KIRREL3: variants seen among roughly 807,000 people sequenced by gnomAD.
KIRREL3 encodes the protein kin of IRRE-like protein 3.
Under a neutral mutation model 89.7 loss-of-function variants are expected in KIRREL3, and 36 were observed. That is an observed-to-expected ratio of 0.40 (90% CI 0.31 to 0.53). The LOEUF is 0.53. Ranked by LOEUF, KIRREL3 falls within the 20% of genes least tolerant of loss-of-function variation. KIRREL3 has a pLI of 0.49. For synonymous variants in KIRREL3, 445 were observed against 441.4 expected (o/e 1.01, Z -0.10); for missense variants, 864 against 1,056.6 (o/e 0.82, Z 2.53).
At chr11:126,847,405 G>C (rs1381529319) in intron 1 of KIRREL3, among the ~76,000 whole-genome samples, 4 of 152,012 alleles carry the variant, frequency 2.6e-5, no homozygotes, top group Non-Finnish European at 5.9e-5. Context: ...TAAACATTTT[G>C]TCATCCACAG....
rs1054316910 is a variant in KIRREL3 at position 126,635,156 on chromosome 11, G to T, written c.56-72244C>A. 1.1e-4 allele frequency among the ~76,000 whole-genome samples: 16 copies of T among 152,242 alleles called. No homozygotes were observed. Among genetic ancestry groups the T allele is most frequent in the African/African-American group, 3.4e-4 (14 of 41,460 alleles). On this transcript the variant is annotated intron_variant, in intron 1 of 16. Coordinates refer to ENST00000525144, the MANE Select transcript of KIRREL3 (RefSeq NM_032531.4). This position sits in a 1 kb window ranked among gnomAD's most constrained non-coding sequence, Gnocchi z 4.0. ...AACCTTGAACCCAACAAAAGGGTCT[G>T]CAGTGAGGCAGGGCTGGACAGCTCC... is the stretch of plus-strand genomic sequence containing the variant.
At chr11:126,457,585 G>A (rs542101762) in intron 6 of KIRREL3, among the ~76,000 whole-genome samples, 61 of 152,024 alleles carry the variant, frequency 4.0e-4, no homozygotes, top group Non-Finnish European at 5.7e-4. Flanking sequence ...GAGAGACATG[G>A]GCAGAGAGAC....
At chr11:126,855,563 T>C (rs1407983338) in intron 1 of KIRREL3, among the ~76,000 whole-genome samples, 1 of 152,248 alleles carries the variant, frequency 6.6e-6, no homozygotes, top group Non-Finnish European at 1.5e-5. Context: ...AAATTTGCTG[T>C]TCTTCCACTC....
chr11:126,695,617 T>C (rs1459928707), intron 1 of KIRREL3, among the ~76,000 whole-genome samples: 1 of 152,000 alleles, frequency 6.6e-6, no homozygotes, highest in African/African-American at 2.4e-5. Context: ...CTGCATTGAC[T>C]CCTGCTCCAG....
At chr11:126,856,444 GATAGA>G (rs2134590305) in intron 1 of KIRREL3, among the ~76,000 whole-genome samples, 1 of 151,888 alleles carries the variant, frequency 6.6e-6, no homozygotes, top group African/African-American at 2.4e-5. Context: ...ACTTGCTCAT[GATAGA>G]ATAATCAGAC....
rs757216215 is a variant in KIRREL3 at position 126,521,274 on chromosome 11, C to T, written c.433+41G>A. On this transcript the variant is annotated intron_variant, in intron 4 of 16. Transcript: ENST00000525144. This position sits in a 1 kb window ranked among gnomAD's most constrained non-coding sequence, Gnocchi z 4.1. ...CCCTCTTGGAGCTGAGCCCTTGGTGCTTCACGCAGTGTCCCAGCCCCGTGT... is the reference window on the plus strand; with the variant it reads ...CCCTCTTGGAGCTGAGCCCTTGGTGTTTCACGCAGTGTCCCAGCCCCGTGT... 1.5e-4 allele frequency: 225 copies of T among 1,481,054 alleles called. 1 individual carries two copies. The highest frequency in any genetic ancestry group is 8.2e-4 in the Admixed American group (37 of 45,250). The allele number at this position is 1,481,054 out of a possible 1,614,324, so 91.7% of individuals were successfully genotyped here.
intron 1 of KIRREL3, among the ~76,000 whole-genome samples, chr11:126,901,376 T>A (rs539113707): frequency 6.6e-6 from 1 of 152,190 alleles, no homozygotes; most frequent in East Asian, 1.9e-4. Context: ...TAAGAAGTAG[T>A]CCCTTCTTCC....
Position 126,750,289 on chromosome 11 carries a change from T to C in KIRREL3, c.56-187377A>G, listed in dbSNP as rs1949291840. 6.6e-6 allele frequency among the ~76,000 whole-genome samples: 1 copy of C among 152,178 alleles called. No individual in the cohort carries two copies. The highest frequency in any genetic ancestry group is 1.5e-5 in the Non-Finnish European group (1 of 68,030). On this transcript the variant is annotated intron_variant, in intron 1 of 16. Transcript: ENST00000525144. The surrounding 1 kb of genome is among the most constrained non-coding windows in gnomAD (Gnocchi z 4.2). ...TACTTCCTTCTCCGTAGCCACCCCATTGAACACATTTCTGTTCCTTGAAGG... is the reference window on the plus strand; with the variant it reads ...TACTTCCTTCTCCGTAGCCACCCCACTGAACACATTTCTGTTCCTTGAAGG...
rs1028890188 is a variant in KIRREL3 at position 126,495,449 on chromosome 11, T to G, written c.434-21983A>C. Among the ~76,000 whole-genome samples the G allele has an allele frequency of 6.6e-5, 10 of 152,160 alleles. No homozygotes were observed. The highest frequency in any genetic ancestry group is 1.5e-4 in the Non-Finnish European group (10 of 68,016). ...CTTTCTCCCCAAAGCCTCCCTCGAC[T>G]GTCTGTGTTCCTCGTCTCCGCTCAT... On this transcript the variant is annotated intron_variant, in intron 4 of 16. Transcript: ENST00000525144. This position sits in a 1 kb window ranked among gnomAD's most constrained non-coding sequence, Gnocchi z 6.5.
At chr11:126,774,546 G>C (rs1453925025) in intron 1 of KIRREL3, among the ~76,000 whole-genome samples, 1 of 152,334 alleles carries the variant, frequency 6.6e-6, no homozygotes, top group East Asian at 1.9e-4. Flanking sequence ...CCCAGGCCTG[G>C]AGCAGCTTGA....
Position 126,761,320 on chromosome 11 carries a change from G to A in KIRREL3, c.56-198408C>T, listed in dbSNP as rs1214284981. ...AAACCTCCCTGGGGGCTCACCAGAG[G>A]GGACTGTGATGAGTTGGCTTCTCAG... is the stretch of plus-strand genomic sequence containing the variant. On this transcript the variant is annotated intron_variant, in intron 1 of 16. Coordinates refer to ENST00000525144, the MANE Select transcript of KIRREL3 (RefSeq NM_032531.4). This position sits in a 1 kb window ranked among gnomAD's most constrained non-coding sequence, Gnocchi z 4.4. 6.6e-6 allele frequency among the ~76,000 whole-genome samples: 1 copy of A among 152,208 alleles called. No individual in the cohort carries two copies. The highest frequency in any genetic ancestry group is 1.9e-4 in the East Asian group (1 of 5,186).
intron 1 of KIRREL3, among the ~76,000 whole-genome samples, chr11:126,702,407 G>T: frequency 6.7e-6 from 1 of 149,858 alleles, no homozygotes; most frequent in African/African-American, 2.5e-5. Context: ...TCTTCATGTG[G>T]AGTCGAGGTG....
chr11:126,967,880 C>A (rs1001980711), intron 1 of KIRREL3, among the ~76,000 whole-genome samples: 1 of 152,096 alleles, frequency 6.6e-6, no homozygotes, highest in Non-Finnish European at 1.5e-5. Context: ...GACAACCCCT[C>A]ACAACAAAGA....
intron 1 of KIRREL3, among the ~76,000 whole-genome samples, chr11:126,749,729 A>AAGGGGTGGAGGTG (rs1949275208): frequency 2.0e-5 from 3 of 152,142 alleles, no homozygotes; most frequent in Non-Finnish European, 4.4e-5. Flanking sequence ...GACAAATATT[A>AAGGGGTGGAGGTG]AGGGGTGGAG....
intron 1 of KIRREL3, among the ~76,000 whole-genome samples, chr11:126,732,271 C>T (rs528586631): frequency 1.3e-5 from 2 of 152,098 alleles, no homozygotes; most frequent in African/African-American, 4.8e-5. Flanking sequence ...ATAATGATTC[C>T]GCAGTTTATA....
At chr11:126,499,797 C>T (rs532258716) in intron 4 of KIRREL3, among the ~76,000 whole-genome samples, 13 of 152,300 alleles carry the variant, frequency 8.5e-5, no homozygotes, top group African/African-American at 3.1e-4. Context: ...GAAGTCATCC[C>T]AGATTTTCTG....
At chr11:126,933,220 T>A (rs1444148192) in intron 1 of KIRREL3, among the ~76,000 whole-genome samples, 5 of 152,148 alleles carry the variant, frequency 3.3e-5, no homozygotes, top group Admixed American at 2.0e-4. Context: ...CAATACTCCA[T>A]CTCCTGTCCC....
At position 126,879,589 on chromosome 11, in the gene KIRREL3, G is replaced by T. The variant is rs912163159; in HGVS notation, c.55+120866C>A. 6.6e-6 allele frequency among the ~76,000 whole-genome samples: 1 copy of T among 152,092 alleles called. No individual in the cohort carries two copies. The highest frequency in any genetic ancestry group is 1.5e-5 in the Non-Finnish European group (1 of 68,024). The stretch of plus-strand genomic sequence containing the variant: ...TTCTTACCTTCATTTTCAAGTCCAG[G>T]CTATAATCTCTTCCATTTCTCCCAT... On this transcript the variant is annotated intron_variant, in intron 1 of 16. Transcript: ENST00000525144. This position sits in a 1 kb window ranked among gnomAD's most constrained non-coding sequence, Gnocchi z 5.4.
In KIRREL3 at chr11:126,538,477, G is replaced by A. The variant is rs113106623; in HGVS notation, c.134-11790C>T. Among the ~76,000 whole-genome samples, 952 of 152,258 alleles carry A rather than the reference G, an allele frequency of 6.3e-3. 11 individuals carry two copies. Among genetic ancestry groups the A allele is most frequent in the African/African-American group, 0.021 (892 of 41,542 alleles). On this transcript the variant is annotated intron_variant, in intron 2 of 16. Transcript: ENST00000525144. ...GTAGGGTGGGAAAGACAAGGGCAGCGTGACTCAGTTCATACCTCGAAACCC... is the reference window on the plus strand; with the variant it reads ...GTAGGGTGGGAAAGACAAGGGCAGCATGACTCAGTTCATACCTCGAAACCC...
Sources: allele counts gnomAD v4.1 joint callset (sites outside exome capture counted in the v4.1 genomes callset), GRCh38; gene constraint gnomAD v4.1.1; non-coding constraint Gnocchi (gnomAD v3.1); transcripts MANE v1.5; gene names NCBI Gene and HGNC (gene_info 2026-07-23, HGNC 2026-07-21).